Variants in CNTN6 observed in about 807,000 individuals in gnomAD.
CNTN6 encodes contactin-6.
CNTN6 carries 137 observed loss-of-function variants against 122.8 expected under a neutral mutation model. That is an observed-to-expected ratio of 1.12 (90% confidence interval 0.97 to 1.29). The LOEUF (loss-of-function observed/expected upper bound fraction) is 1.29. Among genes scored for constraint, CNTN6 ranks in the 50% most tolerant of loss-of-function variants. The probability of loss-of-function intolerance (pLI) is 0.00; values close to 1 mark genes in which losing one functional copy is unlikely to be tolerated. For synonymous variants in CNTN6, 570 were observed against 426.0 expected (o/e 1.34, Z -4.16); for missense variants, 1,634 against 1,223.4 (o/e 1.34, Z -5.01).
chr3:1,393,797 C>G (rs1694597776), intron 20 of CNTN6, among the ~76,000 whole-genome samples: 1 of 151,974 alleles, frequency 6.6e-6, no homozygotes, highest in Non-Finnish European at 1.5e-5. Context: ...AATCATTTAC[C>G]TCAGGAAGAG....
chr3:1,389,841 A>C (rs1295921086), intron 20 of CNTN6, among the ~76,000 whole-genome samples: 3 of 151,632 alleles, frequency 2.0e-5, no homozygotes, highest in Admixed American at 2.0e-4. Context: ...AAAGGGATCA[A>C]TTCAACAAGA....
chr3:1,361,570 T>C (rs1221648717), intron 12 of CNTN6, among the ~76,000 whole-genome samples: 1 of 152,120 alleles, frequency 6.6e-6, no homozygotes, highest in Non-Finnish European at 1.5e-5. Flanking sequence ...CTGACAGCAA[T>C]TATCATACTC....
chr3:1,166,776 T>C (rs1470306334), intron 2 of CNTN6, among the ~76,000 whole-genome samples: 1 of 152,010 alleles, frequency 6.6e-6, no homozygotes, highest in Non-Finnish European at 1.5e-5. Context: ...AGCAGACTAA[T>C]ACAGGAAGAG....
At chr3:1,147,149 GA>G (rs772174654) in intron 1 of CNTN6, among the ~76,000 whole-genome samples, 11 of 152,048 alleles carry the variant, frequency 7.2e-5, no homozygotes, top group Non-Finnish European at 1.5e-4. Context: ...AAGGTTGCAA[GA>G]AAATATGTTT....
intron 1 of CNTN6, among the ~76,000 whole-genome samples, chr3:1,106,346 G>A (rs979220995): frequency 6.6e-6 from 1 of 152,024 alleles, no homozygotes; most frequent in Non-Finnish European, 1.5e-5. Context: ...TTGCATTTAC[G>A]TTGCCATAAC....
At chr3:1,212,216 A>G (rs1004132147) in intron 2 of CNTN6, among the ~76,000 whole-genome samples, 17 of 147,994 alleles carry the variant, frequency 1.1e-4, no homozygotes, top group African/African-American at 4.0e-4. Flanking sequence ...GTGTCTACCT[A>G]TTCCAAAGTT....
chr3:1,297,996 G>T lies in CNTN6; in HGVS notation c.761+5G>T. The T allele has an allele frequency of 6.4e-7, 1 of 1,551,064 alleles. No homozygotes were observed. Among genetic ancestry groups the T allele is most frequent in the Non-Finnish European group, 8.7e-7 (1 of 1,143,260 alleles). On this transcript the variant is annotated splice_donor_5th_base_variant and intron_variant, in intron 7 of 22. Coordinates refer to ENST00000446702, the MANE Select transcript of CNTN6 (RefSeq NM_001289080.2). ...GGAATGTTTTGCCCTTGGAAAGTAA[G>T]GTTTTTGTTTTTGTTTTTGTTTTCC...
intron 2 of CNTN6, among the ~76,000 whole-genome samples, chr3:1,171,821 G>A (rs2093363020): frequency 6.6e-6 from 1 of 151,980 alleles, no homozygotes; most frequent in African/African-American, 2.4e-5. Context: ...TGCCTAGGCT[G>A]GTCTTGAACT....
chr3:1,287,040 A>T (rs1220732924), intron 5 of CNTN6, among the ~76,000 whole-genome samples: 4 of 152,160 alleles, frequency 2.6e-5, no homozygotes, highest in Non-Finnish European at 5.9e-5. Context: ...ATATATATGC[A>T]CCCAATACAG....
At chr3:1,148,420 C>G (rs993806059) in intron 2 of CNTN6, among the ~76,000 whole-genome samples, 1 of 151,246 alleles carries the variant, frequency 6.6e-6, no homozygotes, top group African/African-American at 2.4e-5. Flanking sequence ...TTCTTATTTT[C>G]ATTATAGTGA....
chr3:1,191,345 G>A lies in CNTN6; in HGVS notation c.56-29342G>A, dbSNP rs184223111. On this transcript the variant is annotated intron_variant, in intron 2 of 22. Transcript: ENST00000446702. ...GTAGAAGCTTGGAACTTTCAGTCCC[G>A]TCTCCCATCCTCCAGGAAGGGGAGA... Among the ~76,000 whole-genome samples, 427 of 152,180 alleles carry A rather than the reference G, an allele frequency of 2.8e-3. 1 individual carries two copies. The highest frequency in any genetic ancestry group is 9.4e-3 in the African/African-American group (390 of 41,522).
At chr3:1,289,935 A>C (rs1695029561) in intron 5 of CNTN6, among the ~76,000 whole-genome samples, 1 of 152,082 alleles carries the variant, frequency 6.6e-6, no homozygotes, top group African/African-American at 2.4e-5. Context: ...CGGCCTCCCA[A>C]AGTGCTGGGA....
intron 1 of CNTN6, among the ~76,000 whole-genome samples, chr3:1,126,274 G>T (rs1014064416): frequency 1.3e-5 from 2 of 151,752 alleles, no homozygotes; most frequent in Non-Finnish European, 2.9e-5. Context: ...GTATATACAT[G>T]TATTCAAATG....
chr3:1,272,335 C>T (rs970463725), intron 4 of CNTN6, among the ~76,000 whole-genome samples: 1 of 152,172 alleles, frequency 6.6e-6, no homozygotes, highest in East Asian at 1.9e-4. Flanking sequence ...ATCTGTGAAC[C>T]TCAATTTCCT....
chr3:1,112,323 G>A (rs2091519070), intron 1 of CNTN6, among the ~76,000 whole-genome samples: 1 of 152,166 alleles, frequency 6.6e-6, no homozygotes, highest in East Asian at 1.9e-4. Flanking sequence ...TCTCGATTAT[G>A]CAGACTGAAA....
chr3:1,399,069 T>C (rs1267507555), intron 20 of CNTN6, among the ~76,000 whole-genome samples: 1 of 152,128 alleles, frequency 6.6e-6, no homozygotes, highest in African/African-American at 2.4e-5. Context: ...AAAACAATAC[T>C]TTTTCCTAAA....
At chr3:1,193,931 G>A (rs769965080) in intron 2 of CNTN6, among the ~76,000 whole-genome samples, 25 of 152,066 alleles carry the variant, frequency 1.6e-4, no homozygotes, top group Admixed American at 3.3e-4. Flanking sequence ...GATATGAAAC[G>A]TTTTCTTGTA....
At chr3:1,295,855 C>A in intron 6 of CNTN6, 51 bp downstream of exon 6, 1 of 1,525,136 alleles carries the variant, frequency 6.6e-7, no homozygotes, top group Non-Finnish European at 9.0e-7. Flanking sequence ...GCCCTTAAAG[C>A]CTGGGAAGAT....
intron 11 of CNTN6, among the ~76,000 whole-genome samples, chr3:1,332,710 C>T (rs914558747): frequency 6.6e-6 from 1 of 151,990 alleles, no homozygotes; most frequent in Non-Finnish European, 1.5e-5. Flanking sequence ...TATAGAACTT[C>T]ATATGTAAAA....
Sources: allele counts gnomAD v4.1 joint callset (sites outside exome capture counted in the v4.1 genomes callset), GRCh38; gene constraint gnomAD v4.1.1; transcripts MANE v1.5; gene names NCBI Gene and HGNC (gene_info 2026-07-23, HGNC 2026-07-21).